The following SLC47A1 variants were observed in gnomAD, a reference collection of about 807,000 sequenced individuals.
SLC47A1 encodes the protein solute carrier family 47 member 1.
A neutral mutation model predicts 65.8 loss-of-function variants in SLC47A1; 58 were observed. The ratio of observed to expected loss-of-function variants is 0.88; its 90% CI spans 0.71 to 1.10. The LOEUF (loss-of-function observed/expected upper bound fraction) is 1.10, where lower values mean the gene tolerates loss of function less well. Ranked by LOEUF, SLC47A1 falls within the 50% of genes least tolerant of loss-of-function variation. The probability of loss-of-function intolerance (pLI) is 0.00; values close to 1 mark genes in which losing one functional copy is unlikely to be tolerated. For missense variants in SLC47A1, 706 were observed against 719.2 expected (o/e 0.98, Z 0.21); for synonymous variants, 285 against 295.0 (o/e 0.97, Z 0.35).
intron 7 of SLC47A1, 99 bp downstream of exon 7, chr17:19,555,408 A>C (rs747019784): frequency 1.5e-5 from 20 of 1,371,160 alleles, no homozygotes; most frequent in Non-Finnish European, 2.1e-5. Context: ...TCTTGTGTCC[A>C]TGCGTGGTCT....
chr17:19,566,939 C>A, intron 13 of SLC47A1, 80 bp downstream of exon 13: 1 of 1,587,300 alleles, frequency 6.3e-7, no homozygotes, highest in Non-Finnish European at 8.6e-7. Flanking sequence ...GAGGGGCCAG[C>A]ATAGGTAGGA....
chr17:19,555,115 G>A lies in SLC47A1; in HGVS notation c.544-97G>A, dbSNP rs755257557. On this transcript the variant is annotated intron_variant, in intron 6 of 16. Coordinates refer to ENST00000270570, the MANE Select transcript of SLC47A1 (RefSeq NM_018242.3). ...CCCCCCAGCTATGCCTGTGATACCC[G>A]CTGAGCAGGCCAGCTGGAGCCTGTG... is the stretch of plus-strand genomic sequence containing the variant. 47 of 1,120,126 alleles carry A rather than the reference G, an allele frequency of 4.2e-5. 1 individual carries two copies. The highest frequency in any genetic ancestry group is 1.9e-4 in the South Asian group (15 of 79,582). The allele number at this position is 1,120,126 out of a possible 1,614,324, so 69.4% of individuals were successfully genotyped here. A position where few individuals can be genotyped will look rare whatever the true frequency, so the allele number is the denominator to read the frequency against.
rs376463849 is a variant in SLC47A1 at position 19,548,150 on chromosome 17, C to A, written c.455+17C>A. ...TGTGTCCAGGTAAGATGGAACCTGT[C>A]GCAGCGGGACTTGGCGTCCATCCCA... On this transcript the variant is annotated intron_variant, in intron 4 of 16. Coordinates refer to ENST00000270570, the MANE Select transcript of SLC47A1 (RefSeq NM_018242.3). 53 of 1,601,272 alleles carry A rather than the reference C, an allele frequency of 3.3e-5. No individual in the cohort carries two copies. In the African/African-American group the frequency reaches 6.3e-4, roughly 19 times the overall value.
intron 5 of SLC47A1, 131 bp from the exon 6 acceptor site, chr17:19,551,293 G>C: frequency 1.2e-6 from 1 of 821,524 alleles, no homozygotes; most frequent in Non-Finnish European, 2.1e-6. Context: ...TGAGACGACA[G>C]CCTCTGTGGC....
intron 1 of SLC47A1, among the ~76,000 whole-genome samples, chr17:19,539,983 T>G (rs1916095053): frequency 6.6e-6 from 1 of 152,158 alleles, no homozygotes; most frequent in Non-Finnish European, 1.5e-5. Context: ...GCTGCCCGAC[T>G]CAGGCAGTCG....
rs1427391501 is a variant in SLC47A1, at chr17:19,560,170, G to A, written c.922-18G>A. On this transcript the variant is annotated intron_variant, in intron 10 of 16. Transcript: ENST00000270570. ...TGCAGTTTCTCACTCATTGTTGCAG[G>A]TTTCCTTTTTATTTTAGGTCCCTGC... is the stretch of plus-strand genomic sequence containing the variant. 4 of 1,579,862 alleles carry A rather than the reference G, an allele frequency of 2.5e-6. No individual in the cohort carries two copies. Among genetic ancestry groups the A allele is most frequent in the East Asian group, 4.5e-5 (2 of 44,664 alleles).
chr17:19,574,810 A>C (rs2084426271), intron 16 of SLC47A1, among the ~76,000 whole-genome samples: 1 of 152,010 alleles, frequency 6.6e-6, no homozygotes. Flanking sequence ...TAATATTTGT[A>C]TTTTTAGCAG....
chr17:19,534,366 G>A (rs890080131), intron 1 of SLC47A1: 9 of 356,360 alleles, frequency 2.5e-5, no homozygotes, highest in African/African-American at 1.5e-4. Context: ...AGCCTCCTGC[G>A]CCAGGAGACA....
chr17:19,543,395 C>T (rs1916203733), intron 2 of SLC47A1, among the ~76,000 whole-genome samples: 1 of 152,134 alleles, frequency 6.6e-6, no homozygotes, highest in African/African-American at 2.4e-5. Flanking sequence ...CAGGTGTGAG[C>T]CACTGCGCCC....
intron 5 of SLC47A1, 67 bp from the exon 6 acceptor site, chr17:19,551,356 GC>G (rs1194428114): frequency 1.6e-5 from 22 of 1,378,142 alleles, no homozygotes; most frequent in Middle Eastern, 1.8e-4. Context: ...CTAGCTCCCT[GC>G]CGTGTGACCT....
At chr17:19,534,329 T>C (rs796442981) in intron 1 of SLC47A1, 32 of 424,042 alleles carry the variant, frequency 7.5e-5, no homozygotes, top group African/African-American at 5.4e-4. Context: ...CCCGGGCGCA[T>C]GTTGGCTCGG....
At chr17:19,552,930 G>C (rs1007656160) in intron 6 of SLC47A1, among the ~76,000 whole-genome samples, 4 of 152,134 alleles carry the variant, frequency 2.6e-5, no homozygotes, top group African/African-American at 4.8e-5. Flanking sequence ...CTAATTGGGA[G>C]AGGAAGAGGG....
At chr17:19,555,931 G>A (rs372952266) in intron 9 of SLC47A1, 22 bp downstream of exon 9, 10 of 1,613,878 alleles carry the variant, frequency 6.2e-6, no homozygotes, top group African/African-American at 1.3e-5. Context: ...GATGGATGAC[G>A]GGGACTGGTG....
intron 2 of SLC47A1, 64 bp from the exon 3 acceptor site, chr17:19,546,371 C>G: frequency 6.6e-7 from 1 of 1,519,728 alleles, no homozygotes; most frequent in Non-Finnish European, 9.1e-7. Context: ...TCAATACACA[C>G]AGGGATTTTG....
At chr17:19,542,320 G>A (rs1403009334) in intron 1 of SLC47A1, 73 bp from the exon 2 acceptor site, 8 of 1,045,612 alleles carry the variant, frequency 7.7e-6, no homozygotes, top group Middle Eastern at 2.2e-4. Flanking sequence ...TTGGGTCGGG[G>A]TCACACTTGG....
rs543964792 is a variant in SLC47A1 at position 19,572,149 on chromosome 17, T to A, written c.1404+577T>A. 2.0e-5 allele frequency among the ~76,000 whole-genome samples: 3 copies of A among 152,268 alleles called. No homozygotes were observed. The South Asian group carries it at 6.2e-4, about 32-fold the overall frequency. On this transcript the variant is annotated intron_variant, in intron 15 of 16. Coordinates refer to ENST00000270570, the MANE Select transcript of SLC47A1 (RefSeq NM_018242.3). ...GAGTGATGGAGCGAGACCCTGTCTC[T>A]ACAAATAAAAATGTTTTAAAAAGAA...
At chr17:19,559,912 C>T (rs1429384952) in intron 10 of SLC47A1, among the ~76,000 whole-genome samples, 3 of 152,064 alleles carry the variant, frequency 2.0e-5, no homozygotes, top group East Asian at 3.9e-4. Flanking sequence ...TCCCCCGACA[C>T]CCAGAGGAGG....
At chr17:19,553,484 TC>T (rs1474980167) in intron 6 of SLC47A1, among the ~76,000 whole-genome samples, 1 of 151,684 alleles carries the variant, frequency 6.6e-6, no homozygotes, top group East Asian at 1.9e-4. Flanking sequence ...AGTCACCTGG[TC>T]CTATAGCTTC....
At chr17:19,553,906 A>G (rs1332734193) in intron 6 of SLC47A1, among the ~76,000 whole-genome samples, 1 of 152,146 alleles carries the variant, frequency 6.6e-6, no homozygotes, top group Non-Finnish European at 1.5e-5. Flanking sequence ...GTCTCCATCC[A>G]CTGCCATCTG....
Sources: gnomAD v4.1 joint callset for allele counts (sites outside exome capture counted in the v4.1 genomes callset) on GRCh38, gnomAD v4.1.1 for gene constraint, MANE v1.5 for transcripts, NCBI Gene and HGNC (gene_info 2026-07-23, HGNC 2026-07-21) for gene names.